TTC6: variants seen among roughly 807,000 people sequenced by gnomAD.
TTC6 encodes tetratricopeptide repeat domain 6.
TTC6 carries 172 observed loss-of-function variants against 210.4 expected under a neutral mutation model. The ratio of observed to expected loss-of-function variants is 0.82; its 90% CI spans 0.72 to 0.93. The LOEUF (loss-of-function observed/expected upper bound fraction) is 0.93, where lower values mean the gene tolerates loss of function less well. Ranked by LOEUF, TTC6 falls within the 40% of genes least tolerant of loss-of-function variation. TTC6 has a pLI of 0.00. For synonymous variants in TTC6, 804 were observed against 819.6 expected, an observed-to-expected ratio of 0.98 and a Z score of 0.32; for missense variants, 2,414 against 2,318.1, an observed-to-expected ratio of 1.04 and a Z score of -0.85.
At chr14:37,830,191 A>G (rs902380552) in intron 29 of TTC6, among the ~76,000 whole-genome samples, 3 of 152,126 alleles carry the variant, frequency 2.0e-5, no homozygotes, top group South Asian at 4.1e-4. Context: ...TTCTGGTGGT[A>G]TATGTTGGTG....
At chr14:37,607,611 T>C (rs1269228336) in intron 2 of TTC6, among the ~76,000 whole-genome samples, 1 of 151,804 alleles carries the variant, frequency 6.6e-6, no homozygotes, top group Non-Finnish European at 1.5e-5. Flanking sequence ...CATGCAAGTA[T>C]TTAGTCTTTT....
At chr14:37,739,060 C>T in exon 10 of TTC6, 1 of 1,533,908 alleles carries the variant, frequency 6.5e-7, no homozygotes, top group Non-Finnish European at 8.7e-7. Flanking sequence ...TTGTTTATCC[C>T]AAGAAAAAGA....
At chr14:37,623,581 A>C (rs923888401) in intron 1 of TTC6, among the ~76,000 whole-genome samples, 2 of 152,182 alleles carry the variant, frequency 1.3e-5, no homozygotes, top group African/African-American at 4.8e-5. Context: ...CTTTACATGC[A>C]TTTTTGTCCC....
At chr14:37,699,807 T>G (rs1435863857) in intron 4 of TTC6, among the ~76,000 whole-genome samples, 1 of 152,066 alleles carries the variant, frequency 6.6e-6, no homozygotes, top group Non-Finnish European at 1.5e-5. Flanking sequence ...GGAATCTAGT[T>G]GAGGTAGTGA....
intron 1 of TTC6, among the ~76,000 whole-genome samples, chr14:37,679,880 G>A (rs1256060114): frequency 6.6e-6 from 1 of 151,822 alleles, no homozygotes; most frequent in Admixed American, 6.6e-5. Flanking sequence ...ACTAGAGTTG[G>A]GGTTTCACTA....
intron 1 of TTC6, among the ~76,000 whole-genome samples, chr14:37,605,424 A>G (rs1030668641): frequency 2.0e-5 from 3 of 151,850 alleles, no homozygotes; most frequent in South Asian, 2.1e-4. Flanking sequence ...ACAGAAAAAC[A>G]ACACATCTTC....
chr14:37,774,907 A>G (rs1469117941), intron 14 of TTC6, among the ~76,000 whole-genome samples: 4 of 152,118 alleles, frequency 2.6e-5, no homozygotes, highest in African/African-American at 7.2e-5. Flanking sequence ...TACTGATTCA[A>G]TTTTGGAACT....
chr14:37,688,249 T>C lies in TTC6; in HGVS notation c.1257+5285T>C, dbSNP rs890002099. ...GGAGAAGAGTGGGAAGGATTTCATT[T>C]TGTGGTTTGAGTGCCAGTTTAGCTG... On this transcript the variant is annotated intron_variant, in intron 3 of 30. Transcript: ENST00000553443. Among the ~76,000 whole-genome samples, 85 of 152,194 alleles carry C rather than the reference T, an allele frequency of 5.6e-4. 1 individual carries two copies. The highest frequency in any genetic ancestry group is 1.9e-3 in the African/African-American group (80 of 41,540).
At chr14:37,838,712 G>A (rs1382963872) in intron 29 of TTC6, among the ~76,000 whole-genome samples, 2 of 151,634 alleles carry the variant, frequency 1.3e-5, no homozygotes, top group Non-Finnish European at 2.9e-5. Flanking sequence ...TTTAAGTTCT[G>A]GTGTACATGT....
At chr14:37,623,384 A>G (rs928650959) in intron 1 of TTC6, among the ~76,000 whole-genome samples, 2 of 152,242 alleles carry the variant, frequency 1.3e-5, no homozygotes, top group African/African-American at 4.8e-5. Context: ...GTTTAGTATT[A>G]TTAGTAGTAA....
At chr14:37,665,339 C>G (rs1420155282) in intron 1 of TTC6, among the ~76,000 whole-genome samples, 1 of 150,384 alleles carries the variant, frequency 6.6e-6, no homozygotes, top group Non-Finnish European at 1.5e-5. Context: ...GAGATCATCT[C>G]CTTTGCAGGG....
chr14:37,622,415 C>G, exon 1 of TTC6: 1 of 1,534,754 alleles, frequency 6.5e-7, no homozygotes, highest in Non-Finnish European at 8.7e-7. Context: ...CGTTTCGCCC[C>G]CGGGACTTTT....
intron 22 of TTC6, 54 bp from the exon 25 acceptor site, chr14:37,807,266 T>C (rs766787228): frequency 1.6e-5 from 23 of 1,402,712 alleles, no homozygotes; most frequent in Admixed American, 4.1e-5. Context: ...TTTGGTAGAA[T>C]TGGTGCTTTT....
chr14:37,817,852 G>A (rs2096145921), intron 26 of TTC6, among the ~76,000 whole-genome samples: 1 of 152,138 alleles, frequency 6.6e-6, no homozygotes, highest in African/African-American at 2.4e-5. Flanking sequence ...GCACCCTTCT[G>A]CCTTCTAATA....
At position 37,677,476 on chromosome 14, in the gene TTC6, CAT is replaced by C. The variant is rs535947792; in HGVS notation, c.940-2672_940-2671del. Among the ~76,000 whole-genome samples, 390 of 152,020 alleles carry C rather than the reference CAT, an allele frequency of 2.6e-3. 3 individuals carry two copies. The highest frequency in any genetic ancestry group is 8.7e-3 in the African/African-American group (361 of 41,492). ...TTCTGATTTTCTGTATATGTGTAAT[CAT>C]ATTCATTTGCAAATAAAGAGATTTT... On this transcript the variant is annotated intron_variant, in intron 1 of 30. Coordinates refer to ENST00000553443, the Ensembl canonical transcript of TTC6.
At position 37,755,370 on chromosome 14, in the gene TTC6, C is replaced by T. The variant is rs138309258; in HGVS notation, c.3266+2135C>T. Among the ~76,000 whole-genome samples, 215 of 152,254 alleles carry T rather than the reference C, an allele frequency of 1.4e-3. 1 individual carries two copies. The highest frequency in any genetic ancestry group is 2.4e-3 in the Non-Finnish European group (163 of 68,012). On this transcript the variant is annotated intron_variant, in intron 14 of 30. Transcript: ENST00000553443. ...GATAGTTTCATTTGCTGCACAGAAGCTCTTTAGTTTAATTAGATCCCATTT... is the reference window on the plus strand; with the variant it reads ...GATAGTTTCATTTGCTGCACAGAAGTTCTTTAGTTTAATTAGATCCCATTT...
At chr14:37,636,703 A>T (rs912713184) in intron 1 of TTC6, among the ~76,000 whole-genome samples, 1 of 152,226 alleles carries the variant, frequency 6.6e-6, no homozygotes, top group Non-Finnish European at 1.5e-5. Flanking sequence ...CTAATGTTAT[A>T]ATGGCTGGTT....
intron 14 of TTC6, among the ~76,000 whole-genome samples, chr14:37,781,690 A>G (rs944958909): frequency 1.1e-4 from 17 of 152,278 alleles, no homozygotes; most frequent in Admixed American, 7.8e-4. Flanking sequence ...TTTAGACGTG[A>G]AATCCTTGCC....
chr14:37,697,607 G>A (rs533398239), intron 4 of TTC6, among the ~76,000 whole-genome samples: 21 of 152,176 alleles, frequency 1.4e-4, no homozygotes, highest in African/African-American at 4.8e-4. Context: ...CTTTGTAAAT[G>A]GATATTACTC....
Sources: allele counts gnomAD v4.1 joint callset (sites outside exome capture counted in the v4.1 genomes callset), GRCh38; gene constraint gnomAD v4.1.1; transcripts MANE v1.5; gene names NCBI Gene and HGNC (gene_info 2026-07-23, HGNC 2026-07-21).